THEMIS: variants seen among roughly 807,000 people sequenced by gnomAD.
THEMIS encodes protein THEMIS.
In THEMIS, 37 loss-of-function variants were observed where a neutral mutation model predicts 52.6. The ratio of observed to expected loss-of-function variants is 0.70; its 90% CI spans 0.54 to 0.93. The LOEUF (loss-of-function observed/expected upper bound fraction) is 0.93. THEMIS is among the 40% of genes least tolerant of loss of function. The pLI, the probability that THEMIS is intolerant of heterozygous loss-of-function variation, is 0.00. For synonymous variants in THEMIS, 292 were observed against 272.7 expected (o/e 1.07, Z -0.70); for missense variants, 808 against 763.1 (o/e 1.06, Z -0.69).
chr6:127,858,688 T>C (rs1779698305), intron 1 of THEMIS, among the ~76,000 whole-genome samples: 1 of 152,140 alleles, frequency 6.6e-6, no homozygotes, highest in Admixed American at 6.6e-5. Flanking sequence ...TATCTGTGTA[T>C]ATATAGACAT....
intron 1 of THEMIS, among the ~76,000 whole-genome samples, chr6:127,900,435 A>G (rs1276268857): frequency 2.0e-5 from 3 of 152,054 alleles, no homozygotes; most frequent in East Asian, 3.9e-4. Flanking sequence ...ATTTGGAAAT[A>G]CTTCTTTCTA....
At position 127,837,546 on chromosome 6, in the gene THEMIS, A is replaced by G. The variant is rs113324778; in HGVS notation, c.251-7612T>C. 3.3e-3 allele frequency among the ~76,000 whole-genome samples: 495 copies of G among 152,022 alleles called. 3 individuals carry two copies. Among genetic ancestry groups the G allele is most frequent in the Non-Finnish European group, 3.5e-3 (239 of 67,962 alleles). ...TAAATCAAAGCACTAAAACACACCAAGGAACCCAGCCTAAATTTCTATTTG... is the reference window on the plus strand; with the variant it reads ...TAAATCAAAGCACTAAAACACACCAGGGAACCCAGCCTAAATTTCTATTTG... On this transcript the variant is annotated intron_variant, in intron 2 of 5. Coordinates refer to ENST00000368248, the MANE Select transcript of THEMIS (RefSeq NM_001010923.3).
chr6:127,803,906 T>C (rs1233384251), intron 4 of THEMIS, among the ~76,000 whole-genome samples: 1 of 152,220 alleles, frequency 6.6e-6, no homozygotes, highest in South Asian at 2.1e-4. Context: ...GTGATACAGC[T>C]AGCATCTCCC....
In THEMIS at chr6:127,813,200, A is replaced by G. The variant is rs1452139528; in HGVS notation, c.1441T>C (p.Leu481=). 8 of 1,613,938 alleles carry G rather than the reference A, an allele frequency of 5.0e-6. No homozygotes were observed. Among genetic ancestry groups the G allele is most frequent in the African/African-American group, 1.3e-5 (1 of 74,896 alleles). The change falls in exon 4 of 6, where the codon TTG becomes CTG. Residue 481 remains leucine (L), a synonymous_variant. Transcript: ENST00000368248. The part of the protein sequence containing the change: ...DVLAATPGLQ[L]EEDITDSYLL... The stretch of plus-strand genomic sequence containing the variant: ...TAAGAGTCTGTAATGTCCTCCTCCA[A>G]CTGCAGTCCTGGTGTGGCAGCCAAC...
At chr6:127,747,829 G>A (rs182230404) in intron 4 of THEMIS, among the ~76,000 whole-genome samples, 2 of 152,122 alleles carry the variant, frequency 1.3e-5, no homozygotes, top group Admixed American at 6.6e-5. Context: ...CATTTATTAT[G>A]TGTGTTTCCC....
At chr6:127,733,803 G>A (rs1418230155) in intron 4 of THEMIS, among the ~76,000 whole-genome samples, 1 of 151,778 alleles carries the variant, frequency 6.6e-6, no homozygotes, top group Non-Finnish European at 1.5e-5. Context: ...AACAATCCTA[G>A]AACACATGAT....
At chr6:127,779,347 G>A (rs182768950) in intron 4 of THEMIS, among the ~76,000 whole-genome samples, 266 of 152,204 alleles carry the variant, frequency 1.7e-3, no homozygotes, top group African/African-American at 5.8e-3. Flanking sequence ...CTCTCAGTGA[G>A]TTAACAACGA....
At chr6:127,774,038 G>C (rs1776474884) in intron 4 of THEMIS, among the ~76,000 whole-genome samples, 1 of 152,178 alleles carries the variant, frequency 6.6e-6, no homozygotes, top group Non-Finnish European at 1.5e-5. Context: ...TACACGCCTG[G>C]CACTTTGGTG....
At chr6:127,767,826 C>CTATTATTT (rs561743977) in intron 4 of THEMIS, among the ~76,000 whole-genome samples, 4,225 of 152,072 alleles carry the variant, frequency 0.028, 194 homozygotes, top group African/African-American at 0.096. Context: ...TTATTTAAAC[C>CTATTATTT]AGCACCACCA....
chr6:127,768,032 T>C (rs1776258691), intron 4 of THEMIS, among the ~76,000 whole-genome samples: 1 of 152,206 alleles, frequency 6.6e-6, no homozygotes, highest in South Asian at 2.1e-4. Flanking sequence ...TAGTTATTAA[T>C]GATTTATGAT....
At chr6:127,908,710 C>T (rs1001780698) in intron 1 of THEMIS, among the ~76,000 whole-genome samples, 1 of 152,118 alleles carries the variant, frequency 6.6e-6, no homozygotes, top group Non-Finnish European at 1.5e-5. Context: ...GTAACTCTAA[C>T]ATTTTCCTCT....
chr6:127,860,727 C>T (rs1463997425), intron 1 of THEMIS, among the ~76,000 whole-genome samples: 1 of 151,862 alleles, frequency 6.6e-6, no homozygotes, highest in Non-Finnish European at 1.5e-5. Flanking sequence ...AGGACCAAAA[C>T]CCAGAAAAGA....
At chr6:127,873,153 G>A (rs1780206955) in intron 1 of THEMIS, among the ~76,000 whole-genome samples, 1 of 152,024 alleles carries the variant, frequency 6.6e-6, no homozygotes, top group Non-Finnish European at 1.5e-5. Flanking sequence ...CTTAACAAAT[G>A]GAATGGAAAG....
At chr6:127,840,207 T>G (rs928348324) in intron 2 of THEMIS, among the ~76,000 whole-genome samples, 2 of 152,090 alleles carry the variant, frequency 1.3e-5, no homozygotes, top group Admixed American at 1.3e-4. Context: ...ATTATAATAA[T>G]CAGAAATGCA....
intron 4 of THEMIS, chr6:127,807,477 A>C (rs1021471192): frequency 3.1e-5 from 6 of 195,590 alleles, no homozygotes; most frequent in African/African-American, 1.4e-4. Flanking sequence ...AAGGAAGTTC[A>C]AAAGTTTCCT....
Position 127,775,145 on chromosome 6 carries a change from G to A in THEMIS, c.1758+37738C>T, listed in dbSNP as rs113163101. 2.4e-4 allele frequency among the ~76,000 whole-genome samples: 36 copies of A among 152,226 alleles called. 1 individual carries two copies. The highest frequency in any genetic ancestry group is 7.7e-4 in the African/African-American group (32 of 41,550). On this transcript the variant is annotated intron_variant, in intron 4 of 5. Transcript: ENST00000368248. Reference sequence around the variant, plus strand: ...GTTCCCTGGGGTGGTTCTTCTTGACGCCTGGCAGCACACCATGAACTCTTT... The same window carrying A: ...GTTCCCTGGGGTGGTTCTTCTTGACACCTGGCAGCACACCATGAACTCTTT...
At chr6:127,754,423 C>T (rs115628635) in intron 4 of THEMIS, among the ~76,000 whole-genome samples, 2,796 of 152,204 alleles carry the variant, frequency 0.018, 110 homozygotes, top group African/African-American at 0.064. Context: ...TGTGATGGAC[C>T]CAGATTCTTA....
chr6:127,829,550 G>T lies in THEMIS; in HGVS notation c.635C>A (p.Thr212Lys), dbSNP rs759978898. The change falls in exon 3 of 6, where the codon ACG (threonine) becomes AAG (lysine). Residue 212 changes from threonine (T) to lysine (K), a missense_variant. Transcript: ENST00000368248. ...ATAAAAGTCTTTAGGAAATGGATTC[G>T]TTGAGTCCCACTTATTTGAAAAATC... ...LTDFSNKWDS[T>K]NPFPKDFYGT... 2.9e-5 allele frequency: 46 copies of T among 1,613,798 alleles called. 1 individual carries two copies. In the South Asian group the frequency reaches 4.9e-4, roughly 17 times the overall value.
At position 127,709,863 on chromosome 6, in the gene THEMIS, A is replaced by G; in HGVS notation, c.*122T>C. ...GTTTTAAGGTTGTTCTTTCCTTTGC[A>G]GCGATGAATCAAGTTTCTTCTGGAG... On this transcript the variant is annotated 3_prime_UTR_variant, in exon 6 of 6. Coordinates refer to ENST00000368248, the MANE Select transcript of THEMIS (RefSeq NM_001010923.3). 2.5e-6 allele frequency: 2 copies of G among 789,280 alleles called. No homozygotes were observed. The highest frequency in any genetic ancestry group is 2.7e-5 in the East Asian group (1 of 37,084). 48.9% of individuals were successfully genotyped at this position (789,280 alleles called of 1,614,324 possible).
Sources: gnomAD v4.1 joint callset for allele counts (sites outside exome capture counted in the v4.1 genomes callset) on GRCh38, gnomAD v4.1.1 for gene constraint, MANE v1.5 for transcripts, NCBI Gene and HGNC (gene_info 2026-07-23, HGNC 2026-07-21) for gene names.